PDK2: variants seen among roughly 807,000 people sequenced by gnomAD.
PDK2 encodes the protein pyruvate dehydrogenase kinase 2.
A neutral mutation model predicts 50.4 loss-of-function variants in PDK2; 34 were observed. That is an observed-to-expected ratio of 0.68 (90% CI 0.51 to 0.90). The LOEUF is 0.90. PDK2 is among the 40% of genes least tolerant of loss of function. PDK2 has a pLI of 0.00. For synonymous variants in PDK2, 232 were observed against 216.0 expected (o/e 1.07, Z -0.65); for missense variants, 377 against 544.5 (o/e 0.69, Z 3.06).
rs1381561176 is a variant in PDK2, at chr17:50,106,890, C to T, written c.607+7C>T. 1 of 1,612,682 alleles carries T rather than the reference C, an allele frequency of 6.2e-7. No homozygotes were observed. Among genetic ancestry groups the T allele is most frequent in the Non-Finnish European group, 8.5e-7 (1 of 1,178,688 alleles). ...GTCTCTGAGGTGGTCAAAGGTGAGCCATTCCCACGGTGCCTGGCCCGCAGA... is the reference window on the plus strand; with the variant it reads ...GTCTCTGAGGTGGTCAAAGGTGAGCTATTCCCACGGTGCCTGGCCCGCAGA... On this transcript the variant is annotated splice_region_variant and intron_variant, in intron 5 of 10. Transcript: ENST00000503176.
chr17:50,104,565 T>C (rs755438172), intron 2 of PDK2, among the ~76,000 whole-genome samples: 1 of 152,222 alleles, frequency 6.6e-6, no homozygotes, highest in East Asian at 1.9e-4. Flanking sequence ...TCAGGGATTC[T>C]TGATGCTCCT....
upstream of PDK2, chr17:50,095,259 T>G: frequency 2.1e-5 from 11 of 522,098 alleles, no homozygotes; most frequent in Non-Finnish European, 3.4e-5. Flanking sequence ...TCGCCCGGAG[T>G]TGTTTGTGAG....
intron 6 of PDK2, among the ~76,000 whole-genome samples, chr17:50,107,753 G>A (rs1173851969): frequency 6.6e-6 from 1 of 152,138 alleles, no homozygotes; most frequent in Non-Finnish European, 1.5e-5. Context: ...GTGATGGGAA[G>A]GAAATAAAAT....
intron 6 of PDK2, 85 bp from the exon 7 acceptor site, chr17:50,108,071 G>A: frequency 9.1e-7 from 1 of 1,093,734 alleles, no homozygotes; most frequent in South Asian, 1.3e-5. Context: ...AGAACTTTGT[G>A]GGAGGGGGTG....
chr17:50,107,472 T>G (rs1910577112), intron 6 of PDK2, among the ~76,000 whole-genome samples: 1 of 152,074 alleles, frequency 6.6e-6, no homozygotes. Context: ...TCCCAGCTAC[T>G]TGGAAGGCTG....
intron 3 of PDK2, 57 bp downstream of exon 3, chr17:50,105,499 G>A: frequency 6.9e-7 from 1 of 1,442,664 alleles, no homozygotes; most frequent in South Asian, 1.2e-5. Context: ...GGCATCTGGG[G>A]TTGCAGCCCC....
chr17:50,109,893 G>T lies in PDK2; in HGVS notation c.1084-64G>T. 1 of 1,412,344 alleles carries T rather than the reference G, an allele frequency of 7.1e-7. No individual in the cohort carries two copies. Among genetic ancestry groups the T allele is most frequent in the South Asian group, 1.6e-5 (1 of 62,392 alleles). 87.5% of individuals were successfully genotyped at this position (1,412,344 alleles called of 1,614,324 possible). On this transcript the variant is annotated intron_variant, in intron 10 of 10. Coordinates refer to ENST00000503176, the MANE Select transcript of PDK2 (RefSeq NM_002611.5). This position sits in a 1 kb window ranked among gnomAD's most constrained non-coding sequence, Gnocchi z 5.0. ...TGGGCTGCCGCTGAGCTGGGGTGGG[G>T]TGGTCTGCTGAGGAGTGGACAAGGC...
At chr17:50,107,340 G>C (rs2144370169) in intron 6 of PDK2, among the ~76,000 whole-genome samples, 187 bp downstream of exon 6, 1 of 152,280 alleles carries the variant, frequency 6.6e-6, no homozygotes, top group South Asian at 2.1e-4. Context: ...CAGCACTTTG[G>C]GAAGCTAAGG....
chr17:50,095,525 G>C lies in PDK2; in HGVS notation c.90G>C (p.Pro30=), dbSNP rs775793823. The change falls in exon 1 of 11, where the codon CCG becomes CCC. Residue 30 remains proline (P), a synonymous_variant. Transcript: ENST00000503176. The part of the protein sequence containing the change: ...IEHFSKFSPS[P]LSMKQFLDFG... The stretch of plus-strand genomic sequence containing the variant: ...ACTTCAGCAAGTTCTCCCCGTCCCC[G>C]CTGTCCATGAAGCAGTTTCTGGACT... 6.2e-7 allele frequency: 1 copy of C among 1,606,698 alleles called. No individual in the cohort carries two copies. The highest frequency in any genetic ancestry group is 2.2e-5 in the East Asian group (1 of 44,614).
chr17:50,102,830 C>G (rs1017625300), intron 2 of PDK2, among the ~76,000 whole-genome samples: 1 of 152,078 alleles, frequency 6.6e-6, no homozygotes, highest in Non-Finnish European at 1.5e-5. Flanking sequence ...CTATTGGTAC[C>G]CAGTAAATGC....
At position 50,105,546 on chromosome 17, in the gene PDK2, C is replaced by T. The variant is rs987063915; in HGVS notation, c.332+104C>T. 6.4e-6 allele frequency: 6 copies of T among 941,238 alleles called. No individual in the cohort carries two copies. The African/African-American group carries it at 9.9e-5, about 16-fold the overall frequency. 58.3% of individuals were successfully genotyped at this position (941,238 alleles called of 1,614,324 possible). On this transcript the variant is annotated intron_variant, in intron 3 of 10. Coordinates refer to ENST00000503176, the MANE Select transcript of PDK2 (RefSeq NM_002611.5). ...TACAGCAGGATGGAAGAAAAGACCC[C>T]TGCCTTCAGAAACATCCAGTCTGAG...
Position 50,108,674 on chromosome 17 carries a change from C to T in PDK2, c.924C>T (p.Tyr308=). ...RKIERLFSYM[Y]STAPTPQPGT... ...TTGAGCGACTCTTCAGCTACATGTA[C>T]TCCACAGCACCCACCCCCCAGCCTG... The change falls in exon 9 of 11, where the codon TAC becomes TAT. Residue 308 remains tyrosine, a synonymous_variant. Coordinates refer to ENST00000503176, the MANE Select transcript of PDK2 (RefSeq NM_002611.5). The T allele has an allele frequency of 6.2e-7, 1 of 1,613,286 alleles. No homozygotes were observed. Among genetic ancestry groups the T allele is most frequent in the Non-Finnish European group, 8.5e-7 (1 of 1,179,708 alleles).
intron 6 of PDK2, 42 bp downstream of exon 6, chr17:50,107,195 G>A: frequency 6.5e-7 from 1 of 1,536,092 alleles, no homozygotes; most frequent in South Asian, 1.1e-5. Context: ...TTGGGGCTGG[G>A]GACGTGGCAG....
intron 2 of PDK2, among the ~76,000 whole-genome samples, chr17:50,103,554 T>C (rs540700546): frequency 6.0e-4 from 91 of 152,236 alleles, no homozygotes; most frequent in Non-Finnish European, 1.1e-3. Flanking sequence ...TAAATAGATA[T>C]AACAATCCCC....
chr17:50,106,612 A>G, intron 4 of PDK2, 182 bp from the exon 5 acceptor site: 2 of 616,308 alleles, frequency 3.2e-6, no homozygotes, highest in Non-Finnish European at 5.8e-6. Context: ...GGCCTAAGCC[A>G]GGGCTGGAGG....
At chr17:50,108,770 C>CCTCA (rs1057088413) in intron 9 of PDK2, 51 bp downstream of exon 9, 2 of 1,114,970 alleles carry the variant, frequency 1.8e-6, no homozygotes, top group Non-Finnish European at 2.7e-6. Context: ...AGGCTTCTCT[C>CCTCA]CTCACTCACT....
chr17:50,096,035 A>T, intron 1 of PDK2: 1 of 797,056 alleles, frequency 1.3e-6, no homozygotes, highest in Middle Eastern at 6.3e-4. Flanking sequence ...ACCCCTGGGC[A>T]GAGGGTGAGA....
At chr17:50,108,785 T>G in intron 9 of PDK2, 66 bp downstream of exon 9, 2 of 949,256 alleles carry the variant, frequency 2.1e-6, no homozygotes, top group Non-Finnish European at 3.3e-6. Context: ...CTCACTTCCT[T>G]ATCTCCCTGC....
At chr17:50,096,803 C>A (rs562456607) in intron 1 of PDK2, among the ~76,000 whole-genome samples, 117 of 152,274 alleles carry the variant, frequency 7.7e-4, no homozygotes, top group African/African-American at 2.7e-3. Flanking sequence ...GAACCCAGGG[C>A]CCCTGACCCT....
Sources: allele counts gnomAD v4.1 joint callset (sites outside exome capture counted in the v4.1 genomes callset), GRCh38; gene constraint gnomAD v4.1.1; non-coding constraint Gnocchi (gnomAD v3.1); transcripts MANE v1.5; gene names NCBI Gene and HGNC (gene_info 2026-07-23, HGNC 2026-07-21).